Variants in ADGRD1 observed in about 807,000 individuals in gnomAD.
The protein encoded by ADGRD1 is G-protein coupled receptor 133.
A neutral mutation model predicts 113.4 loss-of-function variants in ADGRD1; 77 were observed. The observed-to-expected ratio is 0.68, with a 90% CI of 0.57 to 0.82. The LOEUF (loss-of-function observed/expected upper bound fraction) is 0.82. Among genes scored for constraint, ADGRD1 ranks in the 40% least tolerant of loss-of-function variants. ADGRD1 has a pLI of 0.00. For missense variants in ADGRD1, 1,036 were observed against 1,139.1 expected (o/e 0.91, Z 1.30); for synonymous variants, 474 against 475.0 (o/e 1.00, Z 0.03).
Position 131,136,043 on chromosome 12 carries a change from A to G in ADGRD1, c.2274A>G (p.Thr758=), listed in dbSNP as rs868158. The part of the protein sequence containing the change: ...IHGDPSAFKL[T]AKAVAVLLPI... Reference sequence around the variant, plus strand: ...TGTCACTGTTTCTCTCCAGGTTGACAGCCAAGGCAGTGGCCGTGCTGCTGC... The same window carrying G: ...TGTCACTGTTTCTCTCCAGGTTGACGGCCAAGGCAGTGGCCGTGCTGCTGC... Residue 758 remains threonine, a synonymous_variant, in exon 22 of 25, where the codon ACA becomes ACG. Coordinates refer to ENST00000261654, the MANE Select transcript of ADGRD1 (RefSeq NM_198827.5). The G allele has an allele frequency of 0.85, 1,369,408 of 1,613,598 alleles. 591,587 individuals carry two copies. Among genetic ancestry groups the G allele is most frequent in the Middle Eastern group, 0.93 (5,655 of 6,062 alleles).
chr12:130,966,528 C>T lies in ADGRD1; in HGVS notation c.169C>T (p.Leu57Phe), dbSNP rs1389471612. 1.2e-6 allele frequency: 2 copies of T among 1,607,706 alleles called. No homozygotes were observed. The highest frequency in any genetic ancestry group is 1.1e-5 in the South Asian group (1 of 90,942). ...PLENVDGIHE[L>F]QDTTGDIVEG... ...GGAGAATGTGGATGGGATCCATGAA[C>T]TTCAGGATACAACTGGAGGTAGAGA... The change falls in exon 3 of 25, where the codon CTT becomes TTT. Residue 57 changes from leucine (L) to phenylalanine (F), a missense_variant. Physicochemically the swap from Leu to Phe is conservative, Grantham distance 22. Coordinates refer to ENST00000261654, the MANE Select transcript of ADGRD1 (RefSeq NM_198827.5). The surrounding 1 kb of genome is among the most constrained non-coding windows in gnomAD (Gnocchi z 4.6).
chr12:131,056,330 A>G (rs990645937), intron 13 of ADGRD1, among the ~76,000 whole-genome samples: 2 of 152,210 alleles, frequency 1.3e-5, no homozygotes, highest in Non-Finnish European at 2.9e-5. Context: ...AACAGGAACC[A>G]GTGAGAATGA....
chr12:131,031,409 G>C (rs1000676663), intron 13 of ADGRD1, among the ~76,000 whole-genome samples: 3 of 152,204 alleles, frequency 2.0e-5, no homozygotes, highest in African/African-American at 2.4e-5. Context: ...GGAATGGGGT[G>C]AGTTCTGACC....
chr12:131,141,230 A>T lies in ADGRD1; in HGVS notation c.*1967A>T, dbSNP rs958373222. On this transcript the variant is annotated 3_prime_UTR_variant, in exon 25 of 25. Coordinates refer to ENST00000261654, the MANE Select transcript of ADGRD1 (RefSeq NM_198827.5). The stretch of plus-strand genomic sequence containing the variant: ...TCATCTATATAGCTAATATTTCAAG[A>T]TAAGTAATGAACAAAACCTGTCTAA... 1 of 152,244 alleles carries T rather than the reference A, an allele frequency of 6.6e-6. No homozygotes were observed. The highest frequency in any genetic ancestry group is 2.4e-5 in the African/African-American group (1 of 41,470). The allele number at this position is 152,244 out of a possible 1,614,324, so 9.4% of individuals were successfully genotyped here.
chr12:131,076,663 A>G, intron 13 of ADGRD1, 138 bp from the exon 14 acceptor site: 1 of 726,154 alleles, frequency 1.4e-6, no homozygotes, highest in Non-Finnish European at 2.5e-6. Flanking sequence ...CCCACAATGG[A>G]TGGAGATAGA....
chr12:130,971,636 C>T lies in ADGRD1; in HGVS notation c.310+56C>T. ...CAAGCATTTCATTCTCAGGGAGCAC[C>T]TGCTCCTCTGGTGACTGGAAGATGT... On this transcript the variant is annotated intron_variant, in intron 4 of 24. Transcript: ENST00000261654. The surrounding 1 kb of genome is among the most constrained non-coding windows in gnomAD (Gnocchi z 4.2). 1 of 1,548,000 alleles carries T rather than the reference C, an allele frequency of 6.5e-7. No individual in the cohort carries two copies. The highest frequency in any genetic ancestry group is 8.8e-7 in the Non-Finnish European group (1 of 1,142,730).
intron 18 of ADGRD1, among the ~76,000 whole-genome samples, chr12:131,110,676 C>T (rs1950328613): frequency 6.6e-6 from 1 of 151,954 alleles, no homozygotes; most frequent in Non-Finnish European, 1.5e-5. Flanking sequence ...GTATTTTTTC[C>T]TGTGAATTTG....
chr12:131,091,455 C>T (rs564411741), intron 15 of ADGRD1, among the ~76,000 whole-genome samples: 3 of 152,268 alleles, frequency 2.0e-5, no homozygotes, highest in South Asian at 4.2e-4. Flanking sequence ...AGTCACGAAA[C>T]GCGGTGTAAC....
chr12:130,954,433 A>C lies in ADGRD1; in HGVS notation c.-33A>C. On this transcript the variant is annotated 5_prime_UTR_variant, in exon 1 of 25. Coordinates refer to ENST00000261654, the MANE Select transcript of ADGRD1 (RefSeq NM_198827.5). The surrounding 1 kb of genome is among the most constrained non-coding windows in gnomAD (Gnocchi z 4.7). ...GTTCTCACAGACCCTCAGGAATTTC[A>C]CTTGGCTCCGAGCTTTGACCTCCGA... The C allele has an allele frequency of 6.6e-7, 1 of 1,520,612 alleles. No homozygotes were observed. The highest frequency in any genetic ancestry group is 1.3e-5 in the South Asian group (1 of 76,074). 94.2% of individuals were successfully genotyped at this position (1,520,612 alleles called of 1,614,324 possible). A position where few individuals can be genotyped will look rare whatever the true frequency, so the allele number is the denominator to read the frequency against.
intron 20 of ADGRD1, among the ~76,000 whole-genome samples, chr12:131,131,149 C>G (rs1232511439): frequency 1.3e-5 from 2 of 152,146 alleles, no homozygotes; most frequent in Non-Finnish European, 2.9e-5. Context: ...CTGCCGGGGC[C>G]CCTCAGTGCC....
At chr12:131,088,110 C>G (rs933710930) in intron 15 of ADGRD1, among the ~76,000 whole-genome samples, 1 of 152,174 alleles carries the variant, frequency 6.6e-6, no homozygotes, top group Non-Finnish European at 1.5e-5. Context: ...CAGAGCTGCC[C>G]CCATGGAGAG....
chr12:131,014,915 A>G (rs977384233), intron 13 of ADGRD1, among the ~76,000 whole-genome samples: 1 of 152,226 alleles, frequency 6.6e-6, no homozygotes, highest in Admixed American at 6.5e-5. Context: ...CAAAAGATGT[A>G]TACAATCTGA....
Position 130,966,925 on chromosome 12 carries a change from G to A in ADGRD1, c.187+379G>A, listed in dbSNP as rs933617733. On this transcript the variant is annotated intron_variant, in intron 3 of 24. Coordinates refer to ENST00000261654, the MANE Select transcript of ADGRD1 (RefSeq NM_198827.5). This position sits in a 1 kb window ranked among gnomAD's most constrained non-coding sequence, Gnocchi z 4.6. Reference sequence around the variant, plus strand: ...GTGAGCCACTGTGCCAGGCCACGAAGCATTTTACTAGAATTTTTATAGAGA... The same window carrying A: ...GTGAGCCACTGTGCCAGGCCACGAAACATTTTACTAGAATTTTTATAGAGA... 2.3e-6 allele frequency: 1 copy of A among 440,806 alleles called. No homozygotes were observed. The highest frequency in any genetic ancestry group is 1.6e-5 in the South Asian group (1 of 63,922). 27.3% of individuals were successfully genotyped at this position (440,806 alleles called of 1,614,324 possible).
chr12:131,036,144 G>T (rs367569656), intron 13 of ADGRD1, among the ~76,000 whole-genome samples: 1 of 152,048 alleles, frequency 6.6e-6, no homozygotes, highest in Non-Finnish European at 1.5e-5. Context: ...GCCTTGCAGC[G>T]AGTCTTACTC....
intron 13 of ADGRD1, among the ~76,000 whole-genome samples, chr12:131,048,822 G>A (rs943387661): frequency 4.6e-5 from 7 of 152,190 alleles, no homozygotes; most frequent in South Asian, 2.1e-4. Flanking sequence ...AGGGCTGGGC[G>A]GCAGGGCCTG....
chr12:131,013,054 A>C (rs1878128682), intron 12 of ADGRD1, among the ~76,000 whole-genome samples: 1 of 152,226 alleles, frequency 6.6e-6, no homozygotes, highest in Non-Finnish European at 1.5e-5. Flanking sequence ...GGAGCTGGTC[A>C]TCCTTGGGGT....
At chr12:131,006,166 G>T in intron 12 of ADGRD1, 119 bp downstream of exon 12, 1 of 865,032 alleles carries the variant, frequency 1.2e-6, no homozygotes. Context: ...CGAGTACCGG[G>T]CGCTTCACTG....
intron 8 of ADGRD1, among the ~76,000 whole-genome samples, chr12:130,998,962 T>G (rs1019533049): frequency 6.6e-6 from 1 of 152,238 alleles, no homozygotes; most frequent in African/African-American, 2.4e-5. Context: ...AAGGGAAATA[T>G]CTAATTAGTA....
chr12:131,017,658 A>G (rs1379547207), intron 13 of ADGRD1, among the ~76,000 whole-genome samples: 1 of 129,334 alleles, frequency 7.7e-6, no homozygotes, highest in African/African-American at 3.0e-5. Context: ...GACACACCCA[A>G]CACAGATACA....
Sources: gnomAD v4.1 joint callset for allele counts (sites outside exome capture counted in the v4.1 genomes callset) on GRCh38, gnomAD v4.1.1 for gene constraint, Gnocchi (gnomAD v3.1) non-coding constraint, MANE v1.5 for transcripts, NCBI Gene and HGNC (gene_info 2026-07-23, HGNC 2026-07-21) for gene names.